Variants in LZTS1 observed in about 807,000 individuals in gnomAD.
LZTS1 encodes leucine zipper tumor suppressor 1.
A neutral mutation model predicts 45.8 loss-of-function variants in LZTS1; 31 were observed. The ratio of observed to expected loss-of-function variants is 0.68; its 90% CI spans 0.51 to 0.91. The LOEUF (loss-of-function observed/expected upper bound fraction) is 0.91, where lower values mean the gene tolerates loss of function less well. LZTS1 is among the 40% of genes least tolerant of loss of function. The pLI, the probability that LZTS1 is intolerant of heterozygous loss-of-function variation, is 0.00. For synonymous variants in LZTS1, 359 were observed against 357.3 expected (o/e 1.00, Z -0.05); for missense variants, 821 against 788.9 (o/e 1.04, Z -0.49).
chr8:20,249,434 A>C lies in LZTS1; in HGVS notation c.*288T>G, dbSNP rs372838657. 31 of 377,446 alleles carry C rather than the reference A, an allele frequency of 8.2e-5. 1 individual carries two copies. Among genetic ancestry groups the C allele is most frequent in the East Asian group, 7.1e-4 (16 of 22,690 alleles). 23.4% of individuals were successfully genotyped at this position (377,446 alleles called of 1,614,324 possible). A position where few individuals can be genotyped will look rare whatever the true frequency, so the allele number is the denominator to read the frequency against. ...GGGAGAGGATATCTATTTCGAACAA[A>C]GGCCAAAGTTTAGGGAGCCCTTAAC... On this transcript the variant is annotated 3_prime_UTR_variant, in exon 4 of 4. Coordinates refer to ENST00000381569, the MANE Select transcript of LZTS1 (RefSeq NM_021020.5).
chr8:20,246,297 C>T lies in LZTS1; in HGVS notation c.*3425G>A, dbSNP rs1799727161. 6.6e-6 allele frequency: 1 copy of T among 152,466 alleles called. No homozygotes were observed. Among genetic ancestry groups the T allele is most frequent in the Admixed American group, 6.5e-5 (1 of 15,276 alleles). 9.4% of individuals were successfully genotyped at this position (152,466 alleles called of 1,614,324 possible). The stretch of plus-strand genomic sequence containing the variant: ...AAAGCAAACCAAACCAAACAAGAAA[C>T]CACAAAGAGAAAAATAACTATGTAC... On this transcript the variant is annotated 3_prime_UTR_variant, in exon 4 of 4. Transcript: ENST00000381569.
intron 1 of LZTS1, among the ~76,000 whole-genome samples, chr8:20,295,140 C>T (rs368437622): frequency 6.6e-6 from 1 of 152,128 alleles, no homozygotes; most frequent in African/African-American, 2.4e-5. Context: ...CCCTGCCTGA[C>T]GCTGTCACTG....
intron 1 of LZTS1, among the ~76,000 whole-genome samples, chr8:20,276,253 T>TTC (rs1800580188): frequency 6.6e-6 from 1 of 151,700 alleles, no homozygotes; most frequent in South Asian, 2.1e-4. Context: ...TGATTTTTTT[T>TTC]TTTTTTTGAC....
At chr8:20,286,377 T>C (rs1800792281) in intron 1 of LZTS1, among the ~76,000 whole-genome samples, 1 of 152,150 alleles carries the variant, frequency 6.6e-6, no homozygotes, top group Non-Finnish European at 1.5e-5. Context: ...GACATGCTAA[T>C]GGACAAAAAT....
chr8:20,260,254 A>G (rs1195804329), intron 1 of LZTS1, among the ~76,000 whole-genome samples: 1 of 152,136 alleles, frequency 6.6e-6, no homozygotes, highest in African/African-American at 2.4e-5. Flanking sequence ...ATTGAGACAG[A>G]GTCTCACTCT....
chr8:20,297,004 C>T (rs12114643), intron 1 of LZTS1, among the ~76,000 whole-genome samples: 6,733 of 152,160 alleles, frequency 0.044, 475 homozygotes, highest in African/African-American at 0.14. Flanking sequence ...CTTCTGTCTC[C>T]GTCTTCCGCC....
rs1266438173 is a variant in LZTS1 at position 20,248,024 on chromosome 8, A to G, written c.*1698T>C. On this transcript the variant is annotated 3_prime_UTR_variant, in exon 4 of 4. Transcript: ENST00000381569. Reference sequence around the variant, plus strand: ...GCAAAAAAGAAAAAGAAAGAAGAATAAAAGAAAAATCTGGCCAGGCACGGT... The same window carrying G: ...GCAAAAAAGAAAAAGAAAGAAGAATGAAAGAAAAATCTGGCCAGGCACGGT... The G allele has an allele frequency of 6.6e-6, 1 of 152,606 alleles. No homozygotes were observed. Among genetic ancestry groups the G allele is most frequent in the Non-Finnish European group, 1.5e-5 (1 of 68,100 alleles). The allele number at this position is 152,606 out of a possible 1,614,324, so 9.5% of individuals were successfully genotyped here. A position where few individuals can be genotyped will look rare whatever the true frequency, so the allele number is the denominator to read the frequency against.
intron 1 of LZTS1, among the ~76,000 whole-genome samples, chr8:20,300,299 C>A (rs1053278246): frequency 6.6e-6 from 1 of 152,166 alleles, no homozygotes; most frequent in Non-Finnish European, 1.5e-5. Flanking sequence ...TTACTAAGGG[C>A]ATACTCATAG....
chr8:20,269,650 G>C (rs1800434559), intron 1 of LZTS1, among the ~76,000 whole-genome samples: 1 of 152,214 alleles, frequency 6.6e-6, no homozygotes, highest in Non-Finnish European at 1.5e-5. Flanking sequence ...TGGCATGCAT[G>C]GGCAAGGAGA....
At chr8:20,299,113 T>G (rs1238030985) in intron 1 of LZTS1, among the ~76,000 whole-genome samples, 1 of 152,126 alleles carries the variant, frequency 6.6e-6, no homozygotes, top group East Asian at 1.9e-4. Flanking sequence ...CCATTTTTTA[T>G]GCACCACCTC....
chr8:20,286,722 T>C (rs1800798645), intron 1 of LZTS1, among the ~76,000 whole-genome samples: 1 of 152,174 alleles, frequency 6.6e-6, no homozygotes, highest in Admixed American at 6.5e-5. Flanking sequence ...ACTCAAAATA[T>C]CCGGAGACCT....
intron 1 of LZTS1, among the ~76,000 whole-genome samples, chr8:20,295,580 A>C (rs771623803): frequency 5.9e-5 from 9 of 152,186 alleles, no homozygotes; most frequent in African/African-American, 2.2e-4. Flanking sequence ...GATGCGGGAC[A>C]CACATTCTCT....
intron 1 of LZTS1, among the ~76,000 whole-genome samples, chr8:20,273,125 A>G (rs547822722): frequency 6.6e-6 from 1 of 152,004 alleles, no homozygotes; most frequent in East Asian, 1.9e-4. Flanking sequence ...GACCTTCCCA[A>G]TAGTTAGCAA....
At chr8:20,256,060 CAAAAAAAAAAAAAAA>C (rs386412254) in intron 1 of LZTS1, among the ~76,000 whole-genome samples, 1 of 56,456 alleles carries the variant, frequency 1.8e-5, no homozygotes, top group South Asian at 9.1e-4. Flanking sequence ...GGGCCTGACT[CAAAAAAAAAAAAAAA>C]AAAAAAAAAG....
intron 1 of LZTS1, among the ~76,000 whole-genome samples, chr8:20,265,254 T>C (rs959394172): frequency 1.3e-5 from 2 of 152,342 alleles, no homozygotes; most frequent in South Asian, 4.1e-4. Flanking sequence ...CAGTTCCATC[T>C]GTGCAACCTG....
intron 1 of LZTS1, among the ~76,000 whole-genome samples, chr8:20,276,633 G>T (rs1800589540): frequency 6.6e-6 from 1 of 152,174 alleles, no homozygotes; most frequent in African/African-American, 2.4e-5. Context: ...ACTGAGTTCT[G>T]TGAGCTGCTC....
chr8:20,300,255 T>C (rs572753605), intron 1 of LZTS1, among the ~76,000 whole-genome samples: 1 of 152,146 alleles, frequency 6.6e-6, no homozygotes, highest in African/African-American at 2.4e-5. Flanking sequence ...CTCTGAGAGC[T>C]CTCATCTTTC....
chr8:20,267,682 T>TG (rs1194416464), intron 1 of LZTS1, among the ~76,000 whole-genome samples: 2 of 152,128 alleles, frequency 1.3e-5, no homozygotes, highest in Non-Finnish European at 2.9e-5. Flanking sequence ...CATGCCCAGC[T>TG]AATTTTTTTA....
intron 1 of LZTS1, among the ~76,000 whole-genome samples, chr8:20,290,914 A>C (rs1800890044): frequency 6.6e-6 from 1 of 152,154 alleles, no homozygotes; most frequent in African/African-American, 2.4e-5. Flanking sequence ...AGTCTGTCCC[A>C]TGCACGGGCT....
Sources: gnomAD v4.1 joint callset for allele counts (sites outside exome capture counted in the v4.1 genomes callset) on GRCh38, gnomAD v4.1.1 for gene constraint, MANE v1.5 for transcripts, NCBI Gene and HGNC (gene_info 2026-07-23, HGNC 2026-07-21) for gene names.